CNTNAP2: variants seen among roughly 807,000 people sequenced by gnomAD.
CNTNAP2 encodes the protein contactin associated protein 2.
In CNTNAP2, 98 loss-of-function variants were observed where a neutral mutation model predicts 155.2. The ratio of observed to expected loss-of-function variants is 0.63; its 90% confidence interval spans 0.54 to 0.75. The LOEUF (loss-of-function observed/expected upper bound fraction) is 0.75. Among genes scored for constraint, CNTNAP2 ranks in the 30% least tolerant of loss-of-function variants. The probability of loss-of-function intolerance (pLI) is 0.00; values close to 1 mark genes in which losing one functional copy is unlikely to be tolerated. For synonymous variants in CNTNAP2, 651 were observed against 631.2 expected, an observed-to-expected ratio of 1.03 and a Z score of -0.47; for missense variants, 1,727 against 1,688.1, an observed-to-expected ratio of 1.02 and a Z score of -0.40.
intron 10 of CNTNAP2, among the ~76,000 whole-genome samples, chr7:147,447,045 A>G (rs1416341836): frequency 6.6e-6 from 1 of 152,212 alleles, no homozygotes; most frequent in Non-Finnish European, 1.5e-5. Flanking sequence ...TAAAGAAGGA[A>G]AGTAGTACAA....
chr7:147,114,382 G>A (rs962382642), intron 5 of CNTNAP2, among the ~76,000 whole-genome samples: 13 of 152,152 alleles, frequency 8.5e-5, no homozygotes, highest in Admixed American at 3.9e-4. Flanking sequence ...TTTCTGCCTC[G>A]ATGATCTGTC....
intron 13 of CNTNAP2, among the ~76,000 whole-genome samples, chr7:147,803,590 A>T (rs1046340740): frequency 6.6e-6 from 1 of 152,218 alleles, no homozygotes; most frequent in African/African-American, 2.4e-5. Flanking sequence ...GGCAAGAATG[A>T]TATGAAACAA....
rs1248160289 is a variant in CNTNAP2 at position 148,420,597 on chromosome 7, C to G, written c.*4981C>G. ...AACAGCTCTACCAAGACAGTCTGCA[C>G]CATTTCCAAGTCTCAGTTAATTTAC... On this transcript the variant is annotated 3_prime_UTR_variant, in exon 24 of 24. Transcript: ENST00000361727. 2.0e-5 allele frequency: 3 copies of G among 152,276 alleles called. No homozygotes were observed. Among genetic ancestry groups the G allele is most frequent in the African/African-American group, 7.2e-5 (3 of 41,460 alleles). The allele number at this position is 152,276 out of a possible 1,614,324, so 9.4% of individuals were successfully genotyped here.
At chr7:147,222,841 G>A (rs1287788583) in intron 8 of CNTNAP2, among the ~76,000 whole-genome samples, 6 of 122,252 alleles carry the variant, frequency 4.9e-5, no homozygotes, top group South Asian at 2.5e-4. Context: ...TTTCTGCCTC[G>A]TTAGGTGGGA....
intron 11 of CNTNAP2, among the ~76,000 whole-genome samples, chr7:147,546,451 T>A (rs1338514281): frequency 6.6e-6 from 1 of 152,188 alleles, no homozygotes; most frequent in Non-Finnish European, 1.5e-5. Flanking sequence ...CTATGCTAGA[T>A]GAGTGCTGAG....
At chr7:147,083,541 T>TATATATGTATATATATATATATATACAC (rs1450957653) in intron 4 of CNTNAP2, among the ~76,000 whole-genome samples, 2 of 129,218 alleles carry the variant, frequency 1.5e-5, no homozygotes, top group African/African-American at 7.4e-5. Context: ...TATATACATA[T>TATATATGTATATATATATATATATACAC]ATATATATGT....
At chr7:146,360,534 A>G (rs575963947) in intron 1 of CNTNAP2, among the ~76,000 whole-genome samples, 30 of 152,308 alleles carry the variant, frequency 2.0e-4, no homozygotes, top group African/African-American at 6.7e-4. Flanking sequence ...AGGGAGTTAC[A>G]TTTTGTTGAA....
In CNTNAP2 at chr7:148,123,699, A is replaced by G. The variant is rs562841032; in HGVS notation, c.2554+5411A>G. 1.0e-3 allele frequency among the ~76,000 whole-genome samples: 158 copies of G among 150,678 alleles called. 1 individual carries two copies. Among genetic ancestry groups the G allele is most frequent in the African/African-American group, 3.7e-3 (151 of 40,322 alleles). On this transcript the variant is annotated intron_variant, in intron 16 of 23. Transcript: ENST00000361727. ...AGGAAGGAAGGAAAAAGAAAGAGAAAGAGAGAAACAGAGAAAGAAAGAAAA... is the reference window on the plus strand; with the variant it reads ...AGGAAGGAAGGAAAAAGAAAGAGAAGGAGAGAAACAGAGAAAGAAAGAAAA...
intron 1 of CNTNAP2, among the ~76,000 whole-genome samples, chr7:146,734,791 A>G (rs1801583504): frequency 6.6e-6 from 1 of 152,350 alleles, no homozygotes; most frequent in South Asian, 2.1e-4. Context: ...ATGCTAAAAT[A>G]TGCATAATAT....
intron 10 of CNTNAP2, among the ~76,000 whole-genome samples, chr7:147,444,235 A>G (rs1245361987): frequency 1.3e-5 from 2 of 152,224 alleles, no homozygotes; most frequent in African/African-American, 4.8e-5. Flanking sequence ...CGCTTTTCCA[A>G]CAAAGAAAAA....
chr7:147,983,473 A>AC (rs35235036), intron 15 of CNTNAP2, among the ~76,000 whole-genome samples: 125,938 of 151,872 alleles, frequency 0.83, 52,828 homozygotes, highest in South Asian at 0.92. Context: ...ATAAAAAAGT[A>AC]CCCTGTAAAA....
intron 13 of CNTNAP2, among the ~76,000 whole-genome samples, chr7:147,853,199 T>C (rs1425704557): frequency 1.3e-5 from 2 of 152,206 alleles, no homozygotes; most frequent in Non-Finnish European, 2.9e-5. Context: ...TATTCAATCA[T>C]AACTCACTAG....
At chr7:146,869,335 C>T (rs1469280147) in intron 3 of CNTNAP2, among the ~76,000 whole-genome samples, 1 of 152,074 alleles carries the variant, frequency 6.6e-6, no homozygotes, top group African/African-American at 2.4e-5. Flanking sequence ...ATTGACTTAT[C>T]TATGTTGAAA....
chr7:148,109,631 G>T (rs763621965), intron 15 of CNTNAP2, among the ~76,000 whole-genome samples: 1 of 147,618 alleles, frequency 6.8e-6, no homozygotes, highest in African/African-American at 2.6e-5. Flanking sequence ...TGATCTGCCC[G>T]CCTTGGCCTC....
chr7:146,708,106 A>G (rs746172749), intron 1 of CNTNAP2, among the ~76,000 whole-genome samples: 2 of 152,186 alleles, frequency 1.3e-5, no homozygotes, highest in Non-Finnish European at 2.9e-5. Context: ...TATAAAAAAT[A>G]CCAAAGAAAT....
intron 13 of CNTNAP2, among the ~76,000 whole-genome samples, chr7:147,645,024 C>A (rs1435432855): frequency 6.6e-6 from 1 of 151,854 alleles, no homozygotes; most frequent in Non-Finnish European, 1.5e-5. Flanking sequence ...ATGAATGATA[C>A]TTTTTACTGC....
intron 8 of CNTNAP2, among the ~76,000 whole-genome samples, chr7:147,168,019 T>G (rs1802150134): frequency 6.7e-6 from 1 of 149,054 alleles, no homozygotes; most frequent in African/African-American, 2.4e-5. Context: ...TATACATATA[T>G]GTATATGTGT....
At chr7:148,012,207 A>G (rs886649798) in intron 15 of CNTNAP2, among the ~76,000 whole-genome samples, 4 of 152,226 alleles carry the variant, frequency 2.6e-5, no homozygotes, top group Non-Finnish European at 4.4e-5. Flanking sequence ...GGCATGAGCC[A>G]TCATACCCAA....
intron 15 of CNTNAP2, among the ~76,000 whole-genome samples, chr7:148,049,520 AC>A (rs1404631589): frequency 1.3e-5 from 2 of 152,210 alleles, no homozygotes; most frequent in East Asian, 3.8e-4. Context: ...AGTGAATGTA[AC>A]GAGATAGGCT....
Sources: allele counts gnomAD v4.1 joint callset (sites outside exome capture counted in the v4.1 genomes callset), GRCh38; gene constraint gnomAD v4.1.1; transcripts MANE v1.5; gene names NCBI Gene and HGNC (gene_info 2026-07-23, HGNC 2026-07-21).